Variants in ADAMTSL3 observed in about 807,000 individuals in gnomAD.
ADAMTSL3 encodes the protein ADAMTS-like protein 3.
A neutral mutation model predicts 201.7 loss-of-function variants in ADAMTSL3; 128 were observed. That is an observed-to-expected ratio of 0.63 (90% CI 0.55 to 0.73). ADAMTSL3 has a LOEUF of 0.73. ADAMTSL3 is among the 30% of genes least tolerant of loss of function. The probability of loss-of-function intolerance (pLI) is 0.00; values close to 1 mark genes in which losing one functional copy is unlikely to be tolerated. For missense variants in ADAMTSL3, 1,990 were observed against 2,119.6 expected (o/e 0.94, Z 1.20); for synonymous variants, 738 against 748.4 (o/e 0.99, Z 0.23).
intron 19 of ADAMTSL3, among the ~76,000 whole-genome samples, chr15:83,963,250 T>G (rs936233530): frequency 2.0e-5 from 3 of 152,154 alleles, no homozygotes; most frequent in African/African-American, 7.2e-5. Flanking sequence ...CAAGCTAAGA[T>G]CTACTGGCTT....
intron 3 of ADAMTSL3, among the ~76,000 whole-genome samples, chr15:83,750,293 AG>A (rs2062618373): frequency 6.6e-6 from 1 of 152,226 alleles, no homozygotes; most frequent in Non-Finnish European, 1.5e-5. Context: ...TCTTCACCTA[AG>A]TTTCTACTTA....
intron 28 of ADAMTSL3, among the ~76,000 whole-genome samples, chr15:84,036,298 AAG>A (rs1444419280): frequency 6.6e-6 from 1 of 152,240 alleles, no homozygotes; most frequent in East Asian, 1.9e-4. Context: ...AAATGTAAAA[AAG>A]AGTACTTCTT....
chr15:83,754,306 G>T (rs2062684807), intron 3 of ADAMTSL3, among the ~76,000 whole-genome samples: 1 of 152,166 alleles, frequency 6.6e-6, no homozygotes, highest in Non-Finnish European at 1.5e-5. Context: ...TGCAGGCCTT[G>T]TTCGATCTGC....
At chr15:83,864,514 A>C (rs2064934274) in intron 8 of ADAMTSL3, among the ~76,000 whole-genome samples, 1 of 152,232 alleles carries the variant, frequency 6.6e-6, no homozygotes, top group South Asian at 2.1e-4. Context: ...GACAAAAACC[A>C]CATGATTATC....
At chr15:83,771,215 G>T (rs1596175949) in intron 3 of ADAMTSL3, among the ~76,000 whole-genome samples, 2 of 144,214 alleles carry the variant, frequency 1.4e-5, no homozygotes, top group African/African-American at 2.6e-5. Context: ...TTATTGCTGT[G>T]CCAATTCTCT....
intron 3 of ADAMTSL3, among the ~76,000 whole-genome samples, chr15:83,759,350 C>G (rs975086911): frequency 1.3e-5 from 2 of 151,916 alleles, no homozygotes; most frequent in Admixed American, 6.6e-5. Flanking sequence ...CTCAGCCTCC[C>G]GAGTAGCTGG....
intron 3 of ADAMTSL3, chr15:83,739,820 G>T (rs2062426872): frequency 4.2e-5 from 25 of 598,648 alleles, no homozygotes; most frequent in South Asian, 2.9e-4. Context: ...TTGCTGGGCT[G>T]GTGTCCAGAT....
chr15:83,897,798 A>G, intron 13 of ADAMTSL3, 60 bp from the exon 14 acceptor site: 1 of 1,512,058 alleles, frequency 6.6e-7, no homozygotes, highest in Non-Finnish European at 8.9e-7. Flanking sequence ...CATTCGATAA[A>G]ATAATGCCTT....
intron 23 of ADAMTSL3, among the ~76,000 whole-genome samples, chr15:83,999,139 T>G (rs1007702995): frequency 6.6e-6 from 1 of 152,252 alleles, no homozygotes; most frequent in Non-Finnish European, 1.5e-5. Context: ...TTTGTTATAT[T>G]CCTGTAACCC....
intron 4 of ADAMTSL3, among the ~76,000 whole-genome samples, chr15:83,780,976 CA>C (rs2063158497): frequency 6.6e-6 from 1 of 152,048 alleles, no homozygotes; most frequent in Non-Finnish European, 1.5e-5. Context: ...GCAAATGGAA[CA>C]ACATCCTATG....
chr15:83,745,372 G>A (rs991897406), intron 3 of ADAMTSL3, among the ~76,000 whole-genome samples: 9 of 152,168 alleles, frequency 5.9e-5, no homozygotes, highest in Non-Finnish European at 8.8e-5. Context: ...CCTCATTAGC[G>A]GAGAGCAACC....
intron 2 of ADAMTSL3, among the ~76,000 whole-genome samples, chr15:83,688,155 C>T (rs556077926): frequency 6.6e-6 from 1 of 152,312 alleles, no homozygotes; most frequent in South Asian, 2.1e-4. Flanking sequence ...AGACTTGTAT[C>T]TCAAAGGGTG....
chr15:83,997,519 G>A (rs2067710005), intron 23 of ADAMTSL3, among the ~76,000 whole-genome samples: 1 of 152,170 alleles, frequency 6.6e-6, no homozygotes, highest in Admixed American at 6.5e-5. Flanking sequence ...AACCTGGGAG[G>A]CAGAGGCTGC....
At chr15:83,850,331 C>A (rs1430274792) in intron 7 of ADAMTSL3, among the ~76,000 whole-genome samples, 1 of 151,914 alleles carries the variant, frequency 6.6e-6, no homozygotes, top group Admixed American at 6.6e-5. Context: ...CTGTCTCTTT[C>A]CTATCAGGGT....
intron 19 of ADAMTSL3, among the ~76,000 whole-genome samples, chr15:83,949,761 T>G (rs1024510007): frequency 1.3e-5 from 2 of 152,248 alleles, no homozygotes; most frequent in South Asian, 4.1e-4. Flanking sequence ...CTGGTGATCA[T>G]TGATGTTGAT....
At chr15:83,744,054 G>T (rs1055561409) in intron 3 of ADAMTSL3, among the ~76,000 whole-genome samples, 1 of 152,024 alleles carries the variant, frequency 6.6e-6, no homozygotes, top group African/African-American at 2.4e-5. Context: ...GTTTCACCGT[G>T]CTAGCCAGGC....
intron 15 of ADAMTSL3, among the ~76,000 whole-genome samples, chr15:83,902,634 T>C (rs2065748848): frequency 6.6e-6 from 1 of 152,164 alleles, no homozygotes; most frequent in Admixed American, 6.5e-5. Flanking sequence ...CAAAGATGTA[T>C]GTGGGTTCAT....
rs145490623 is a variant in ADAMTSL3, at chr15:83,868,804, G to A, written c.803-1998G>A. 7.4e-3 allele frequency among the ~76,000 whole-genome samples: 1,120 copies of A among 152,260 alleles called. 10 individuals are homozygous for A. Among genetic ancestry groups the A allele is most frequent in the Non-Finnish European group, 9.8e-3 (666 of 68,030 alleles). On this transcript the variant is annotated intron_variant, in intron 8 of 29. Transcript: ENST00000286744. ...TTGCTACTTGTGTTTTTATATCCAT[G>A]TCACTGAGACTCTTAGACACCATTA...
intron 19 of ADAMTSL3, among the ~76,000 whole-genome samples, chr15:83,947,963 A>G (rs557322732): frequency 6.6e-6 from 1 of 152,226 alleles, no homozygotes; most frequent in Admixed American, 6.5e-5. Flanking sequence ...TCCATGTACC[A>G]CTGTCTTCCA....
Sources: allele counts gnomAD v4.1 joint callset (sites outside exome capture counted in the v4.1 genomes callset), GRCh38; gene constraint gnomAD v4.1.1; transcripts MANE v1.5; gene names NCBI Gene and HGNC (gene_info 2026-07-23, HGNC 2026-07-21).